BCAR3: variants seen among roughly 807,000 people sequenced by gnomAD.
BCAR3 encodes the protein breast cancer anti-estrogen resistance protein 3.
A neutral mutation model predicts 80.1 loss-of-function variants in BCAR3; 37 were observed. The observed-to-expected ratio is 0.46, with a 90% CI of 0.36 to 0.61. The LOEUF is 0.61. Ranked by LOEUF, BCAR3 falls within the 20% of genes least tolerant of loss-of-function variation. The probability of loss-of-function intolerance (pLI) is 0.00; values close to 1 mark genes in which losing one functional copy is unlikely to be tolerated. For missense variants in BCAR3, 978 were observed against 1,068.2 expected, an observed-to-expected ratio of 0.92 and a Z score of 1.18; for synonymous variants, 389 against 418.9, an observed-to-expected ratio of 0.93 and a Z score of 0.87.
intron 3 of BCAR3, among the ~76,000 whole-genome samples, chr1:93,640,725 A>G (rs1675950603): frequency 6.6e-6 from 1 of 152,274 alleles, no homozygotes; most frequent in Non-Finnish European, 1.5e-5. Context: ...TAAACAGGCC[A>G]TTCCAAAATC....
Position 93,589,361 on chromosome 1 carries a change from C to T in BCAR3, c.545G>A (p.Ser182Asn). ...GDFLVRDSLS[S>N]PGNFVLTCQW... ...ACAGGTCAGGACAAAGTTCCCAGGG[C>T]TGGACAGAGAGTCACGAACTAGGAA... The change falls in exon 5 of 12, where the codon AGC (serine) becomes AAC (asparagine). Residue 182 changes from serine (S) to asparagine (N), a missense_variant. Coordinates refer to ENST00000260502, the MANE Select transcript of BCAR3 (RefSeq NM_003567.4). 2 of 1,614,072 alleles carry T rather than the reference C, an allele frequency of 1.2e-6. No individual in the cohort carries two copies. The highest frequency in any genetic ancestry group is 2.7e-5 in the African/African-American group (2 of 75,056).
At chr1:93,619,480 A>G (rs948124876) in intron 3 of BCAR3, among the ~76,000 whole-genome samples, 10 of 152,172 alleles carry the variant, frequency 6.6e-5, no homozygotes, top group Non-Finnish European at 8.8e-5. Context: ...TACACTTACT[A>G]TGCAAGCAAT....
chr1:93,663,672 A>G (rs973051417), intron 2 of BCAR3, among the ~76,000 whole-genome samples: 1 of 152,212 alleles, frequency 6.6e-6, no homozygotes, highest in Non-Finnish European at 1.5e-5. Context: ...TACATGCACA[A>G]AGACCTGGCC....
chr1:93,784,717 A>C (rs1417679046), intron 2 of BCAR3, among the ~76,000 whole-genome samples: 1 of 152,244 alleles, frequency 6.6e-6, no homozygotes, highest in Non-Finnish European at 1.5e-5. Context: ...TTTTGGAAAC[A>C]AAATCAAGAG....
intron 7 of BCAR3, among the ~76,000 whole-genome samples, chr1:93,577,360 C>T (rs563627272): frequency 3.3e-5 from 5 of 152,270 alleles, no homozygotes; most frequent in African/African-American, 1.2e-4. Flanking sequence ...GGTGGTATTA[C>T]TAACCCTACC....
intron 9 of BCAR3, 146 bp from the exon 10 acceptor site, chr1:93,567,997 G>C (rs112935515): frequency 1.5e-5 from 9 of 592,872 alleles, no homozygotes; most frequent in African/African-American, 1.3e-4. Flanking sequence ...GACCAGTCTG[G>C]CCAGTATGGT....
At chr1:93,683,915 T>A (rs77824521), upstream of BCAR3, among the ~76,000 whole-genome samples, 2,173 of 152,290 alleles carry the variant, frequency 0.014, 51 homozygotes, top group African/African-American at 0.05. Flanking sequence ...ACTCTGCTTG[T>A]ATGTTTTACT....
chr1:93,749,586 C>CAAAAA (rs1160570100), intron 2 of BCAR3, among the ~76,000 whole-genome samples: 7 of 69,316 alleles, frequency 1.0e-4, no homozygotes, highest in Admixed American at 1.7e-4. Flanking sequence ...GAGACTCCGT[C>CAAAAA]AAAAAAAAAA....
Position 93,604,749 on chromosome 1 carries a change from TCTCA to T in BCAR3, c.358-12360_358-12357del, listed in dbSNP as rs560363947. Among the ~76,000 whole-genome samples the T allele has an allele frequency of 8.3e-4, 127 of 152,342 alleles. 1 individual carries two copies. Among genetic ancestry groups the T allele is most frequent in the African/African-American group, 2.7e-3 (114 of 41,578 alleles). On this transcript the variant is annotated intron_variant, in intron 3 of 11. Transcript: ENST00000260502. Reference sequence around the variant, plus strand: ...GAACACCAAGGGACTGAAAATTATTTCTCACTGATTTTGTTCTGAAAACTTCGGG... The same window carrying T: ...GAACACCAAGGGACTGAAAATTATTTCTGATTTTGTTCTGAAAACTTCGGG...
At chr1:93,727,182 C>A (rs1199096845) in intron 2 of BCAR3, among the ~76,000 whole-genome samples, 1 of 152,146 alleles carries the variant, frequency 6.6e-6, no homozygotes, top group African/African-American at 2.4e-5. Context: ...GGGATGCTTT[C>A]CTGCAGAGGG....
At chr1:93,645,295 A>G (rs1676119018) in intron 2 of BCAR3, among the ~76,000 whole-genome samples, 1 of 152,156 alleles carries the variant, frequency 6.6e-6, no homozygotes, top group African/African-American at 2.4e-5. Flanking sequence ...AAAATGTGAG[A>G]AAGAAATACT....
At chr1:93,642,839 C>T (rs1424182515) in intron 2 of BCAR3, among the ~76,000 whole-genome samples, 1 of 152,210 alleles carries the variant, frequency 6.6e-6, no homozygotes, top group Non-Finnish European at 1.5e-5. Flanking sequence ...ATGGAGGGAA[C>T]GGAGCCTTCT....
intron 3 of BCAR3, among the ~76,000 whole-genome samples, chr1:93,695,704 C>A (rs1649365343): frequency 6.6e-6 from 1 of 152,196 alleles, no homozygotes; most frequent in Admixed American, 6.5e-5. Flanking sequence ...CCTGCCTCAG[C>A]CCCTCCTCTG....
At chr1:93,812,204 T>C (rs2100805592) in intron 2 of BCAR3, among the ~76,000 whole-genome samples, 1 of 152,278 alleles carries the variant, frequency 6.6e-6, no homozygotes, top group African/African-American at 2.4e-5. Flanking sequence ...TTTGTGTAAT[T>C]CTACTTCCCA....
chr1:93,824,560 T>G (rs1654318231), intron 2 of BCAR3, among the ~76,000 whole-genome samples: 1 of 132,558 alleles, frequency 7.5e-6, no homozygotes, highest in Non-Finnish European at 1.7e-5. Context: ...CTGACCAGGG[T>G]CCGGCAGCTC....
intron 2 of BCAR3, among the ~76,000 whole-genome samples, chr1:93,652,450 G>A (rs967324880): frequency 1.3e-5 from 2 of 152,096 alleles, no homozygotes; most frequent in East Asian, 1.9e-4. Context: ...TCCACACCCA[G>A]ACACCCTTTC....
At chr1:93,713,695 G>T (rs573059285) in intron 2 of BCAR3, among the ~76,000 whole-genome samples, 2 of 151,968 alleles carry the variant, frequency 1.3e-5, no homozygotes, top group African/African-American at 2.4e-5. Context: ...CACAGCAATG[G>T]TTCCAAAAAC....
upstream of BCAR3, among the ~76,000 whole-genome samples, chr1:93,684,761 G>A (rs1198700468): frequency 1.3e-5 from 2 of 151,772 alleles, no homozygotes; most frequent in African/African-American, 2.4e-5. Context: ...AGACAGTCTC[G>A]CTTCTTTGCC....
At chr1:93,571,111 G>A (rs1270015727) in intron 9 of BCAR3, among the ~76,000 whole-genome samples, 1 of 151,886 alleles carries the variant, frequency 6.6e-6, no homozygotes, top group African/African-American at 2.4e-5. Flanking sequence ...GGCTGAGGCA[G>A]GAGAATCGCT....
Sources: gnomAD v4.1 joint callset for allele counts (sites outside exome capture counted in the v4.1 genomes callset) on GRCh38, gnomAD v4.1.1 for gene constraint, MANE v1.5 for transcripts, NCBI Gene and HGNC (gene_info 2026-07-23, HGNC 2026-07-21) for gene names.